APBB2: variants seen among roughly 807,000 people sequenced by gnomAD.
The protein encoded by APBB2 is Fe65-like 1.
APBB2 carries 38 observed loss-of-function variants against 82.5 expected under a neutral mutation model. That is an observed-to-expected ratio of 0.46 (90% CI 0.36 to 0.60). The LOEUF (loss-of-function observed/expected upper bound fraction) is 0.60. Ranked by LOEUF, APBB2 falls within the 20% of genes least tolerant of loss-of-function variation. The pLI is 0.00. For synonymous variants in APBB2, 341 were observed against 368.2 expected, an observed-to-expected ratio of 0.93 and a Z score of 0.85; for missense variants, 772 against 972.3, an observed-to-expected ratio of 0.79 and a Z score of 2.74.
intron 3 of APBB2, among the ~76,000 whole-genome samples, chr4:41,090,531 T>C (rs1230941265): frequency 6.6e-6 from 1 of 152,232 alleles, no homozygotes; most frequent in African/African-American, 2.4e-5. Flanking sequence ...CAGACACTAG[T>C]CTGCTATGTA....
intron 4 of APBB2, among the ~76,000 whole-genome samples, chr4:41,065,291 G>A (rs1731322467): frequency 1.3e-5 from 2 of 151,884 alleles, no homozygotes; most frequent in African/African-American, 4.8e-5. Context: ...TCTCAAAAAA[G>A]AAAAGAAAAA....
At chr4:40,816,899 G>C (rs889122094) in intron 17 of APBB2, among the ~76,000 whole-genome samples, 1 of 152,146 alleles carries the variant, frequency 6.6e-6, no homozygotes, top group African/African-American at 2.4e-5. Context: ...GAGGTATTAA[G>C]ATTTCAAGAT....
chr4:40,888,836 G>A (rs540544869), intron 12 of APBB2, among the ~76,000 whole-genome samples: 41 of 152,268 alleles, frequency 2.7e-4, no homozygotes, highest in African/African-American at 8.4e-4. Flanking sequence ...CTCCTGCGTC[G>A]CACACGTATG....
intron 10 of APBB2, among the ~76,000 whole-genome samples, chr4:40,903,627 T>C (rs1260850699): frequency 6.6e-6 from 1 of 152,110 alleles, no homozygotes; most frequent in Non-Finnish European, 1.5e-5. Context: ...GAGGAGAACG[T>C]TGGCAGAGAA....
chr4:41,056,219 A>T (rs1727816955), intron 4 of APBB2, among the ~76,000 whole-genome samples: 2 of 152,146 alleles, frequency 1.3e-5, no homozygotes, highest in African/African-American at 4.8e-5. Flanking sequence ...AAAATAAAAT[A>T]AGTAAAATAA....
At chr4:40,865,014 A>G (rs1410109256) in intron 12 of APBB2, among the ~76,000 whole-genome samples, 39 of 151,962 alleles carry the variant, frequency 2.6e-4, no homozygotes, top group Non-Finnish European at 1.3e-4. Context: ...ATGTGCCACC[A>G]TGTCTAGCTA....
intron 6 of APBB2, among the ~76,000 whole-genome samples, chr4:41,006,971 C>CT (rs1430828569): frequency 1.3e-5 from 2 of 152,136 alleles, no homozygotes; most frequent in African/African-American, 4.8e-5. Context: ...GTTTGTGACT[C>CT]TCGCTCTCAT....
intron 4 of APBB2, among the ~76,000 whole-genome samples, chr4:41,044,528 C>T (rs140539576): frequency 5.1e-4 from 77 of 152,292 alleles, no homozygotes; most frequent in Admixed American, 9.2e-4. Context: ...TTAGGAGGAG[C>T]TCATGAGGAG....
intron 6 of APBB2, among the ~76,000 whole-genome samples, chr4:40,952,722 C>A (rs1314214857): frequency 6.6e-6 from 1 of 152,198 alleles, no homozygotes; most frequent in Non-Finnish European, 1.5e-5. Context: ...TCAATCCCAG[C>A]TAGAAGTCAA....
intron 3 of APBB2, among the ~76,000 whole-genome samples, chr4:41,088,336 C>T (rs1002689672): frequency 2.0e-5 from 3 of 152,222 alleles, no homozygotes; most frequent in African/African-American, 4.8e-5. Flanking sequence ...CATCAATATA[C>T]ACCCACTATG....
rs534889384 is a variant in APBB2 at position 40,953,253 on chromosome 4, G to A, written c.836-8180C>T. On this transcript the variant is annotated intron_variant, in intron 6 of 17. Coordinates refer to ENST00000508593, the MANE Select transcript of APBB2 (RefSeq NM_004307.2). ...GTAGGTTGCAGTCAGCCGAGATCAC[G>A]CCACTGCACTCCAGCCTGGGCAACA... Among the ~76,000 whole-genome samples, 7 of 137,764 alleles carry A rather than the reference G, an allele frequency of 5.1e-5. No homozygotes were observed. In the East Asian group the frequency reaches 6.3e-4, roughly 12 times the overall value. The allele number at this position is 137,764 out of a possible 152,430, so 90.4% of individuals were successfully genotyped here.
intron 3 of APBB2, among the ~76,000 whole-genome samples, chr4:41,090,489 C>T (rs1285029843): frequency 6.6e-6 from 1 of 152,136 alleles, no homozygotes; most frequent in Non-Finnish European, 1.5e-5. Flanking sequence ...TCAGCTACTG[C>T]TCATTTTTTC....
intron 12 of APBB2, among the ~76,000 whole-genome samples, chr4:40,848,455 T>A (rs1414318926): frequency 1.3e-5 from 2 of 152,168 alleles, no homozygotes; most frequent in African/African-American, 4.8e-5. Flanking sequence ...TTTCCTGCCG[T>A]GTAGCTCTGG....
At chr4:40,821,143 G>A (rs1747780785) in intron 17 of APBB2, among the ~76,000 whole-genome samples, 1 of 152,220 alleles carries the variant, frequency 6.6e-6, no homozygotes, top group Non-Finnish European at 1.5e-5. Flanking sequence ...TGGGATTACA[G>A]GCGTAAGCCA....
intron 3 of APBB2, among the ~76,000 whole-genome samples, chr4:41,091,636 A>G (rs755953929): frequency 6.6e-6 from 1 of 152,214 alleles, no homozygotes; most frequent in Non-Finnish European, 1.5e-5. Flanking sequence ...AGAGTTATCT[A>G]GCACAACACA....
chr4:41,031,461 T>C (rs1716772910), intron 5 of APBB2, among the ~76,000 whole-genome samples: 3 of 152,224 alleles, frequency 2.0e-5, no homozygotes, highest in Admixed American at 1.3e-4. Context: ...GAATGTGTTA[T>C]ATGTCATACC....
intron 12 of APBB2, among the ~76,000 whole-genome samples, chr4:40,847,499 G>C (rs1047052421): frequency 6.6e-6 from 1 of 152,078 alleles, no homozygotes; most frequent in Admixed American, 6.5e-5. Flanking sequence ...ACACCAGAAG[G>C]CTCCTATCTG....
At chr4:41,141,957 A>G (rs1759345444) in intron 2 of APBB2, among the ~76,000 whole-genome samples, 1 of 152,198 alleles carries the variant, frequency 6.6e-6, no homozygotes, top group South Asian at 2.1e-4. Flanking sequence ...GACACAGCCA[A>G]ACCATATCAC....
chr4:41,168,196 G>C (rs1376300975), intron 1 of APBB2, among the ~76,000 whole-genome samples: 1 of 151,176 alleles, frequency 6.6e-6, no homozygotes. Context: ...ATGAACCCGG[G>C]AGGCGGAGCC....
Sources: allele counts gnomAD v4.1 joint callset (sites outside exome capture counted in the v4.1 genomes callset), GRCh38; gene constraint gnomAD v4.1.1; transcripts MANE v1.5; gene names NCBI Gene and HGNC (gene_info 2026-07-23, HGNC 2026-07-21).